Variants in UBE2Z observed in about 807,000 individuals in gnomAD.
UBE2Z encodes ubiquitin-conjugating enzyme E2 Z.
In UBE2Z, 10 loss-of-function variants were observed where a neutral mutation model predicts 32.6. The observed-to-expected ratio is 0.31, with a 90% CI of 0.19 to 0.52. The LOEUF is 0.52. UBE2Z is among the 20% of genes least tolerant of loss of function. The pLI is 0.97. For synonymous variants in UBE2Z, 183 were observed against 190.8 expected (o/e 0.96, Z 0.34); for missense variants, 343 against 480.9 (o/e 0.71, Z 2.68).
intron 6 of UBE2Z, 27 bp downstream of exon 6, chr17:48,922,964 A>G (rs780043696): frequency 1.3e-6 from 2 of 1,591,600 alleles, no homozygotes; most frequent in Non-Finnish European, 1.7e-6. Context: ...TGCTAATTGC[A>G]GAAGCCCTAC....
At chr17:48,910,771 C>T (rs758224877) in intron 1 of UBE2Z, 37 bp from the exon 2 acceptor site, 2 of 1,527,552 alleles carry the variant, frequency 1.3e-6, no homozygotes, top group East Asian at 4.5e-5. Context: ...CCCCCTCTTC[C>T]TCACTCCTTC....
At position 48,914,404 on chromosome 17, in the gene UBE2Z, C is replaced by A. The variant is rs527642287; in HGVS notation, c.578+1383C>A. ...CATTTTTCTAGGACTTGCTCAGACC[C>A]AGGGATATGTTCTGCTGTGATTTTG... On this transcript the variant is annotated intron_variant, in intron 3 of 6. Coordinates refer to ENST00000360943, the MANE Select transcript of UBE2Z (RefSeq NM_023079.5). 9.2e-5 allele frequency among the ~76,000 whole-genome samples: 14 copies of A among 152,290 alleles called. No homozygotes were observed. The South Asian group carries it at 2.9e-3, about 32-fold the overall frequency.
At chr17:48,909,302 C>G (rs2040657705) in intron 1 of UBE2Z, among the ~76,000 whole-genome samples, 1 of 151,988 alleles carries the variant, frequency 6.6e-6, no homozygotes, top group Admixed American at 6.6e-5. Flanking sequence ...TTTGCCATGC[C>G]TCTGACTCGA....
intron 3 of UBE2Z, chr17:48,915,774 A>G (rs999576519): frequency 3.8e-5 from 11 of 292,214 alleles, no homozygotes; most frequent in African/African-American, 2.5e-4. Flanking sequence ...CTAATTGCTT[A>G]CCTAATTTCT....
At chr17:48,916,586 T>TTTTTGTATTG in intron 4 of UBE2Z, among the ~76,000 whole-genome samples, 1 of 149,042 alleles carries the variant, frequency 6.7e-6, no homozygotes, top group South Asian at 2.1e-4. Context: ...TGGGAGGTTT[T>TTTTTGTATTG]TTTTGTTTTG....
chr17:48,910,187 G>T (rs745483022), intron 1 of UBE2Z, among the ~76,000 whole-genome samples: 6 of 152,024 alleles, frequency 3.9e-5, no homozygotes, highest in Non-Finnish European at 5.9e-5. Flanking sequence ...TATCTCCTAT[G>T]GAAGTCCACA....
rs2040671993 is a variant in UBE2Z at position 48,910,841 on chromosome 17, A to G, written c.351A>G (p.Pro117=). The G allele has an allele frequency of 1.9e-6, 3 of 1,613,552 alleles. No individual in the cohort carries two copies. The highest frequency in any genetic ancestry group is 1.7e-6 in the Non-Finnish European group (2 of 1,179,650). Reference sequence around the variant, plus strand: ...TGTCCATTTATAAGGAGCCTCCTCCAGGAATGTTCGTTGTACCTGATACTG... The same window carrying G: ...TGTCCATTTATAAGGAGCCTCCTCCGGGAATGTTCGTTGTACCTGATACTG... ...DIMSIYKEPP[P]GMFVVPDTVD... is the part of the protein sequence containing the mutation. The change falls in exon 2 of 7, where the codon CCA becomes CCG. Residue 117 remains proline, a synonymous_variant. Coordinates refer to ENST00000360943, the MANE Select transcript of UBE2Z (RefSeq NM_023079.5).
chr17:48,916,567 A>T (rs2040721424), intron 4 of UBE2Z, among the ~76,000 whole-genome samples: 1 of 140,130 alleles, frequency 7.1e-6, no homozygotes, highest in South Asian at 2.4e-4. Flanking sequence ...GTGTTTTAAG[A>T]GATCTGCTTG....
chr17:48,916,050 C>T lies in UBE2Z; in HGVS notation c.579-26C>T, dbSNP rs774450111. The T allele has an allele frequency of 2.0e-6, 3 of 1,527,330 alleles. No homozygotes were observed. In the African/African-American group the frequency reaches 4.2e-5, roughly 21 times the overall value. 94.6% of individuals were successfully genotyped at this position (1,527,330 alleles called of 1,614,324 possible). A position where few individuals can be genotyped will look rare whatever the true frequency, so the allele number is the denominator to read the frequency against. ...TTCCCTATTCTTTCTCTGCCTCACCCTCCATTCCTTCTGATGTGTTTACAG... is the reference window on the plus strand; with the variant it reads ...TTCCCTATTCTTTCTCTGCCTCACCTTCCATTCCTTCTGATGTGTTTACAG... On this transcript the variant is annotated intron_variant, in intron 3 of 6. Coordinates refer to ENST00000360943, the MANE Select transcript of UBE2Z (RefSeq NM_023079.5).
chr17:48,923,896 T>C (rs2040780471), intron 6 of UBE2Z, among the ~76,000 whole-genome samples: 1 of 152,152 alleles, frequency 6.6e-6, no homozygotes, highest in African/African-American at 2.4e-5. Flanking sequence ...ACAGCTAGTT[T>C]TTGTTTTGTT....
intron 4 of UBE2Z, among the ~76,000 whole-genome samples, chr17:48,917,877 A>G (rs2040731596): frequency 6.6e-6 from 1 of 152,186 alleles, no homozygotes; most frequent in Non-Finnish European, 1.5e-5. Context: ...GCACGGGAAA[A>G]AGTTCCAGTG....
At chr17:48,911,420 A>G (rs2040676231) in intron 2 of UBE2Z, 1 of 154,596 alleles carries the variant, frequency 6.5e-6, no homozygotes, top group Non-Finnish European at 1.4e-5. Context: ...CCTCTCAGAG[A>G]GAAAGCTTAA....
chr17:48,926,053 C>T (rs2040795927), intron 6 of UBE2Z, among the ~76,000 whole-genome samples: 1 of 152,096 alleles, frequency 6.6e-6, no homozygotes, highest in Admixed American at 6.6e-5. Flanking sequence ...ACAATTAAAC[C>T]TTTCTGTACA....
chr17:48,916,187 G>A lies in UBE2Z; in HGVS notation c.690G>A (p.Gln230=). The A allele has an allele frequency of 6.5e-7, 1 of 1,547,304 alleles. No individual in the cohort carries two copies. The highest frequency in any genetic ancestry group is 8.7e-7 in the Non-Finnish European group (1 of 1,151,430). The change falls in exon 4 of 7, where the codon CAG becomes CAA. Residue 230 remains glutamine (Q), a splice_region_variant and synonymous_variant. Transcript: ENST00000360943. ...NPYHNEPGFE[Q]ERHPGDSKNY... Reference sequence around the variant, plus strand: ...ATCACAATGAGCCCGGCTTTGAACAGGTAAGGCCAGATGGGCCTGGCTCTG... The same window carrying A: ...ATCACAATGAGCCCGGCTTTGAACAAGTAAGGCCAGATGGGCCTGGCTCTG...
At chr17:48,913,610 C>T (rs2040697248) in intron 3 of UBE2Z, among the ~76,000 whole-genome samples, 1 of 152,200 alleles carries the variant, frequency 6.6e-6, no homozygotes, top group Admixed American at 6.5e-5. Flanking sequence ...ACCTTGGCCT[C>T]CCAAAGTGCT....
chr17:48,920,348 T>C (rs1028286093), intron 4 of UBE2Z, among the ~76,000 whole-genome samples: 3 of 151,904 alleles, frequency 2.0e-5, no homozygotes, highest in Non-Finnish European at 4.4e-5. Context: ...ATACAAAAAC[T>C]AGCTGGGCGT....
At chr17:48,916,037 T>C in intron 3 of UBE2Z, 39 bp from the exon 4 acceptor site, 1 of 1,458,932 alleles carries the variant, frequency 6.9e-7, no homozygotes, top group Non-Finnish European at 9.3e-7. Context: ...CCCTATTCTT[T>C]CTCTGCCTCA....
chr17:48,915,269 T>G (rs1278611426), intron 3 of UBE2Z, among the ~76,000 whole-genome samples: 2 of 152,184 alleles, frequency 1.3e-5, no homozygotes, highest in African/African-American at 4.8e-5. Context: ...TAGGCATTAC[T>G]GACTTGGGCT....
Position 48,908,774 on chromosome 17 carries a change from T to C in UBE2Z, c.271T>C (p.Trp91Arg). The change falls in exon 1 of 7, where the codon TGG becomes CGG. Residue 91 changes from tryptophan to arginine, a missense_variant. Trp to Arg is a moderately radical substitution (Grantham distance 101, BLOSUM62 -3). This residue lies in a region of UBE2Z where 55 missense variants were observed against 56.2 expected (regional missense o/e 0.98). Transcript: ENST00000360943. ...CTGGGACCCCACGCTCAGCTCCGAC[T>C]GGGACGGCGAGCGCACCGCGCCGCA... ...SHWDPTLSSD[W>R]DGERTAPQCL... The C allele has an allele frequency of 6.6e-7, 1 of 1,507,934 alleles. No individual in the cohort carries two copies. The highest frequency in any genetic ancestry group is 8.8e-7 in the Non-Finnish European group (1 of 1,133,208). The allele number at this position is 1,507,934 out of a possible 1,614,324, so 93.4% of individuals were successfully genotyped here.
Sources: allele counts gnomAD v4.1 joint callset (sites outside exome capture counted in the v4.1 genomes callset), GRCh38; gene constraint gnomAD v4.1.1; regional missense constraint gnomAD v4.1.1; transcripts MANE v1.5; gene names NCBI Gene and HGNC (gene_info 2026-07-23, HGNC 2026-07-21).